The following TFB2M variants were observed in gnomAD, a reference collection of about 807,000 sequenced individuals.
The protein encoded by TFB2M is dimethyladenosine transferase 2, mitochondrial.
A neutral mutation model predicts 41.3 loss-of-function variants in TFB2M; 44 were observed. The ratio of observed to expected loss-of-function variants is 1.07; its 90% CI spans 0.84 to 1.37. The LOEUF is 1.37. Ranked by LOEUF, TFB2M falls within the 40% of genes most tolerant of loss-of-function variation. The probability of loss-of-function intolerance (pLI) is 0.00; values close to 1 mark genes in which losing one functional copy is unlikely to be tolerated. For synonymous variants in TFB2M, 188 were observed against 176.8 expected (o/e 1.06, Z -0.50); for missense variants, 496 against 490.2 (o/e 1.01, Z -0.11).
chr1:246,558,432 C>A (rs938293559), intron 2 of TFB2M, among the ~76,000 whole-genome samples: 1 of 152,102 alleles, frequency 6.6e-6, no homozygotes, highest in East Asian at 1.9e-4. Flanking sequence ...CAGGTGTGAG[C>A]CACTGCACCC....
At chr1:246,550,562 G>A (rs59218266) in intron 5 of TFB2M, among the ~76,000 whole-genome samples, 41,349 of 152,100 alleles carry the variant, frequency 0.27, 6,317 homozygotes, top group East Asian at 0.66. Context: ...ACGAGAACAC[G>A]TGAAGATCCA....
At chr1:246,542,612 C>T (rs1256047657) in intron 7 of TFB2M, among the ~76,000 whole-genome samples, 2 of 152,114 alleles carry the variant, frequency 1.3e-5, no homozygotes, top group Admixed American at 6.6e-5. Context: ...TTTGTGGTTG[C>T]AGTGAGCTAT....
At chr1:246,563,239 A>AT (rs1659504829) in intron 2 of TFB2M, among the ~76,000 whole-genome samples, 1 of 141,174 alleles carries the variant, frequency 7.1e-6, no homozygotes, top group African/African-American at 2.7e-5. Flanking sequence ...ATGGTATGTC[A>AT]TTTTTTCTAC....
intron 2 of TFB2M, among the ~76,000 whole-genome samples, chr1:246,563,864 T>C (rs1659521535): frequency 6.6e-6 from 1 of 152,084 alleles, no homozygotes; most frequent in Non-Finnish European, 1.5e-5. Flanking sequence ...TTGCAAAATA[T>C]GAAAAAATTT....
At chr1:246,563,912 A>G (rs1313586435) in intron 2 of TFB2M, among the ~76,000 whole-genome samples, 1 of 152,268 alleles carries the variant, frequency 6.6e-6, no homozygotes, top group Non-Finnish European at 1.5e-5. Context: ...CATTTCAGAT[A>G]AAATACTTAA....
intron 6 of TFB2M, among the ~76,000 whole-genome samples, chr1:246,545,040 C>G (rs570366108): frequency 6.9e-6 from 1 of 144,358 alleles, no homozygotes; most frequent in Non-Finnish European, 1.5e-5. Context: ...CTCCTGACCT[C>G]GTGATCCGCC....
intron 5 of TFB2M, among the ~76,000 whole-genome samples, chr1:246,549,645 A>G (rs1022627400): frequency 3.9e-5 from 6 of 152,154 alleles, no homozygotes; most frequent in African/African-American, 1.4e-4. Context: ...CATACCCATA[A>G]CCATATTAAA....
intron 7 of TFB2M, among the ~76,000 whole-genome samples, chr1:246,542,950 C>T (rs1210535708): frequency 1.5e-5 from 2 of 132,058 alleles, no homozygotes; most frequent in African/African-American, 2.9e-5. Flanking sequence ...CACCCAGGCT[C>T]ATCTCAAAGT....
At chr1:246,543,828 A>G (rs111532152) in intron 7 of TFB2M, among the ~76,000 whole-genome samples, 95 of 152,286 alleles carry the variant, frequency 6.2e-4, no homozygotes, top group Admixed American at 4.1e-3. Flanking sequence ...TTATATTTTT[A>G]CAAATATAAA....
chr1:246,563,896 C>A (rs2102991619), intron 2 of TFB2M, among the ~76,000 whole-genome samples: 1 of 151,906 alleles, frequency 6.6e-6, no homozygotes, highest in East Asian at 1.9e-4. Context: ...CAGTTGTGTT[C>A]CCAAGCATTT....
intron 2 of TFB2M, among the ~76,000 whole-genome samples, chr1:246,561,000 C>G (rs1278699766): frequency 1.3e-5 from 2 of 152,134 alleles, no homozygotes; most frequent in Non-Finnish European, 2.9e-5. Context: ...GTAATCCCAG[C>G]TCTCACCACT....
intron 3 of TFB2M, 117 bp from the exon 4 acceptor site, chr1:246,556,838 T>C (rs963316997): frequency 1.1e-6 from 1 of 879,556 alleles, no homozygotes; most frequent in Non-Finnish European, 1.7e-6. Context: ...TTTATTTCAA[T>C]TAAAACTAAG....
chr1:246,552,487 T>G lies in TFB2M; in HGVS notation c.706-1185A>C, dbSNP rs535976282. The stretch of plus-strand genomic sequence containing the variant: ...TGGGAGGCCGAGGCAGGAGAATCAC[T>G]TGAAGACAGGAGTTCAAGACCACCC... On this transcript the variant is annotated intron_variant, in intron 4 of 7. Coordinates refer to ENST00000366514, the MANE Select transcript of TFB2M (RefSeq NM_022366.3). Among the ~76,000 whole-genome samples, 6 of 151,598 alleles carry G rather than the reference T, an allele frequency of 4.0e-5. No homozygotes were observed. The East Asian group carries it at 1.2e-3, about 30-fold the overall frequency.
chr1:246,557,229 C>T lies in TFB2M; in HGVS notation c.556+152G>A, dbSNP rs1368003097. ...GCAGAGGGTCAGTGAACCAGGATCG[C>T]GCCACTGCACTCCAGCCTGGGTGAC... On this transcript the variant is annotated intron_variant, in intron 3 of 7. Transcript: ENST00000366514. 2.8e-5 allele frequency: 23 copies of T among 813,426 alleles called. 1 individual carries two copies. The highest frequency in any genetic ancestry group is 9.7e-5 in the South Asian group (5 of 51,496). The allele number at this position is 813,426 out of a possible 1,614,324, so 50.4% of individuals were successfully genotyped here. A position where few individuals can be genotyped will look rare whatever the true frequency, so the allele number is the denominator to read the frequency against.
chr1:246,557,975 C>G (rs1296806167), intron 2 of TFB2M, among the ~76,000 whole-genome samples: 1 of 151,402 alleles, frequency 6.6e-6, no homozygotes, highest in South Asian at 2.1e-4. Context: ...GGCTGAATTA[C>G]CTTTTTACAA....
At chr1:246,552,148 A>ACG (rs1659201729) in intron 4 of TFB2M, among the ~76,000 whole-genome samples, 1 of 151,954 alleles carries the variant, frequency 6.6e-6, no homozygotes, top group South Asian at 2.1e-4. Flanking sequence ...AGTGGTGTGC[A>ACG]CATGTAGTCC....
intron 2 of TFB2M, among the ~76,000 whole-genome samples, chr1:246,560,157 C>G (rs1330186137): frequency 1.3e-5 from 2 of 151,932 alleles, no homozygotes; most frequent in Admixed American, 6.6e-5. Context: ...ATGGCCCAGA[C>G]AGTTGATGTT....
intron 4 of TFB2M, among the ~76,000 whole-genome samples, chr1:246,556,028 C>T (rs760418766): frequency 2.6e-5 from 4 of 152,032 alleles, no homozygotes; most frequent in African/African-American, 4.8e-5. Flanking sequence ...TGACCTCAAG[C>T]GATCAGCATG....
chr1:246,565,860 A>C lies in TFB2M; in HGVS notation c.279T>G (p.Ser93Arg), dbSNP rs897777700. Residue 93 changes from serine (S) to arginine (R), a missense_variant, in exon 1 of 8, where the codon AGT (serine) becomes AGG (arginine). Coordinates refer to ENST00000366514, the MANE Select transcript of TFB2M (RefSeq NM_022366.3). ...ACTCCAGCAGTAGGTGTGGAGGTCTACTTGGTTTTCCCAAATAGATTTGCG... is the reference window on the plus strand; with the variant it reads ...ACTCCAGCAGTAGGTGTGGAGGTCTCCTTGGTTTTCCCAAATAGATTTGCG... The part of the protein sequence containing the change: ...TLAQIYLGKP[S>R]RPPHLLLECN... The C allele has an allele frequency of 3.7e-6, 6 of 1,608,478 alleles. No homozygotes were observed. The African/African-American group carries it at 8.0e-5, about 21-fold the overall frequency.
Sources: allele counts gnomAD v4.1 joint callset (sites outside exome capture counted in the v4.1 genomes callset), GRCh38; gene constraint gnomAD v4.1.1; transcripts MANE v1.5; gene names NCBI Gene and HGNC (gene_info 2026-07-23, HGNC 2026-07-21).